CSMD1: variants seen among roughly 807,000 people sequenced by gnomAD.
The protein encoded by CSMD1 is CUB and Sushi multiple domains 1, also known as CUB and sushi domain-containing protein 1.
In CSMD1, 213 loss-of-function variants were observed where a neutral mutation model predicts 417.5. The ratio of observed to expected loss-of-function variants is 0.51; its 90% CI spans 0.46 to 0.57. The LOEUF (loss-of-function observed/expected upper bound fraction) is 0.57. Ranked by LOEUF, CSMD1 falls within the 20% of genes least tolerant of loss-of-function variation. The pLI is 0.00. For missense variants in CSMD1, 6,923 were observed against 4,529.7 expected (o/e 1.53, Z -15.17); for synonymous variants, 2,862 against 1,736.8 (o/e 1.65, Z -16.11).
intron 2 of CSMD1, among the ~76,000 whole-genome samples, chr8:4,447,942 A>G (rs543763115): frequency 2.6e-5 from 4 of 152,272 alleles, no homozygotes; most frequent in African/African-American, 7.2e-5. Flanking sequence ...CACTCACCAT[A>G]TTTTTTAAAA....
chr8:4,495,297 T>C (rs1489517529), intron 2 of CSMD1, among the ~76,000 whole-genome samples: 1 of 152,156 alleles, frequency 6.6e-6, no homozygotes, highest in African/African-American at 2.4e-5. Flanking sequence ...ATTTCTCAGC[T>C]GGGCACGGTG....
chr8:3,526,491 G>A (rs1243974720), intron 10 of CSMD1, among the ~76,000 whole-genome samples: 2 of 152,092 alleles, frequency 1.3e-5, no homozygotes, highest in African/African-American at 4.8e-5. Flanking sequence ...TTTGCTCTCT[G>A]GACCAAGCAT....
Position 3,627,306 on chromosome 8 carries a change from G to A in CSMD1, c.1010-10509C>T, listed in dbSNP as rs565626982. On this transcript the variant is annotated intron_variant, in intron 7 of 69. Transcript: ENST00000635120. ...CCTAGCTGCAAGACACTTGGGAGAA[G>A]TAAAATTTAACACGTGATGCTATAA... Among the ~76,000 whole-genome samples, 6 of 152,212 alleles carry A rather than the reference G, an allele frequency of 3.9e-5. No homozygotes were observed. In the East Asian group the frequency reaches 9.7e-4, roughly 25 times the overall value.
Position 4,627,350 on chromosome 8 carries a change from T to G in CSMD1, c.302+9992A>C, listed in dbSNP as rs533221604. ...AGCTCATTTAAAATCCTGAAAAATC[T>G]GGGAAACTATTTATAGCTCTTTATT... is the stretch of plus-strand genomic sequence containing the variant. On this transcript the variant is annotated intron_variant, in intron 2 of 69. Transcript: ENST00000635120. Among the ~76,000 whole-genome samples, 663 of 152,268 alleles carry G rather than the reference T, an allele frequency of 4.4e-3. 3 individuals carry two copies. Among genetic ancestry groups the G allele is most frequent in the African/African-American group, 0.015 (638 of 41,556 alleles).
intron 10 of CSMD1, among the ~76,000 whole-genome samples, chr8:3,507,888 T>C (rs557317230): frequency 6.6e-6 from 1 of 152,290 alleles, no homozygotes; most frequent in Non-Finnish European, 1.5e-5. Context: ...TTTGAGTTCA[T>C]TGTAGATTCT....
intron 52 of CSMD1, among the ~76,000 whole-genome samples, chr8:3,013,530 C>T (rs1808581229): frequency 2.0e-5 from 3 of 152,170 alleles, no homozygotes; most frequent in South Asian, 4.1e-4. Context: ...GCGGGCAGAT[C>T]ACCCAAGGTC....
intron 3 of CSMD1, among the ~76,000 whole-genome samples, chr8:4,120,783 T>C (rs941415087): frequency 6.6e-6 from 1 of 152,304 alleles, no homozygotes; most frequent in South Asian, 2.1e-4. Context: ...CATGTCACTT[T>C]CCAAACAAAA....
intron 1 of CSMD1, among the ~76,000 whole-genome samples, chr8:4,779,217 T>C (rs999029787): frequency 1.3e-5 from 2 of 152,228 alleles, no homozygotes; most frequent in African/African-American, 4.8e-5. Flanking sequence ...ATTAATATTG[T>C]TATGTTAACG....
intron 5 of CSMD1, among the ~76,000 whole-genome samples, chr8:3,973,625 T>C (rs947697536): frequency 6.6e-6 from 1 of 152,176 alleles, no homozygotes; most frequent in Non-Finnish European, 1.5e-5. Flanking sequence ...ATTGTGATGC[T>C]TCCTGATTGT....
chr8:3,716,736 G>C (rs754380422), intron 6 of CSMD1, among the ~76,000 whole-genome samples: 17 of 152,148 alleles, frequency 1.1e-4, no homozygotes, highest in Non-Finnish European at 2.4e-4. Context: ...CCCTATTCAA[G>C]ATGGAGTTGC....
chr8:3,286,824 T>A (rs1365520451), intron 25 of CSMD1, among the ~76,000 whole-genome samples: 4 of 152,184 alleles, frequency 2.6e-5, no homozygotes, highest in Admixed American at 1.3e-4. Context: ...GCTCTTTAGT[T>A]TATTTAGATC....
chr8:3,835,620 G>C (rs1014295420), intron 5 of CSMD1, among the ~76,000 whole-genome samples: 3 of 151,534 alleles, frequency 2.0e-5, no homozygotes, highest in Admixed American at 6.6e-5. Context: ...TAAATGACGA[G>C]TTAATGGGTG....
At chr8:4,025,767 T>G (rs1797032366) in intron 4 of CSMD1, among the ~76,000 whole-genome samples, 1 of 152,190 alleles carries the variant, frequency 6.6e-6, no homozygotes, top group Non-Finnish European at 1.5e-5. Flanking sequence ...GTTTGTTCCC[T>G]GTTTAAGGGA....
At chr8:3,787,587 G>C (rs945718311) in intron 5 of CSMD1, among the ~76,000 whole-genome samples, 6 of 152,130 alleles carry the variant, frequency 3.9e-5, no homozygotes, top group Admixed American at 1.3e-4. Context: ...CTTAATTAAA[G>C]ATGTAGTTGC....
intron 42 of CSMD1, among the ~76,000 whole-genome samples, chr8:3,112,042 G>C (rs917485126): frequency 6.6e-6 from 1 of 151,498 alleles, no homozygotes; most frequent in Admixed American, 6.6e-5. Flanking sequence ...TGCTTGCTCC[G>C]GCTCTAGAGG....
chr8:3,953,410 G>C (rs763344150), intron 5 of CSMD1, among the ~76,000 whole-genome samples: 2 of 152,136 alleles, frequency 1.3e-5, no homozygotes, highest in African/African-American at 2.4e-5. Context: ...TGTGTAATGA[G>C]TATATAGAAT....
chr8:3,348,051 C>T lies in CSMD1; in HGVS notation c.3415G>A (p.Gly1139Ser), dbSNP rs372041329. 2.8e-5 allele frequency: 45 copies of T among 1,610,960 alleles called. No homozygotes were observed. Among genetic ancestry groups the T allele is most frequent in the East Asian group, 2.2e-5 (1 of 44,770 alleles). Reference protein sequence around the residue: ...ECIYKIETEAGKGIHLRTRSF... With the variant: ...ECIYKIETEASKGIHLRTRSF... Reference sequence around the variant, plus strand: ...CGTGTTCTAAGGTGGATGCCCTTGCCGGCTTCTGTTTCTATTTTATAGATA... The same window carrying T: ...CGTGTTCTAAGGTGGATGCCCTTGCTGGCTTCTGTTTCTATTTTATAGATA... The change falls in exon 22 of 70, where the codon GGC becomes AGC. Residue 1139 changes from glycine (G) to serine (S), a missense_variant. Transcript: ENST00000635120.
chr8:4,460,177 T>C (rs4875347), intron 2 of CSMD1, among the ~76,000 whole-genome samples: 28,261 of 152,026 alleles, frequency 0.19, 3,130 homozygotes, highest in Non-Finnish European at 0.24. Flanking sequence ...CTGAGCTCAA[T>C]GCAAGAAAAT....
chr8:4,472,717 C>G (rs1265520850), intron 2 of CSMD1, among the ~76,000 whole-genome samples: 1 of 151,874 alleles, frequency 6.6e-6, no homozygotes, highest in Non-Finnish European at 1.5e-5. Flanking sequence ...TAGGTGTAAA[C>G]AGCACTTTTA....
Sources: gnomAD v4.1 joint callset for allele counts (sites outside exome capture counted in the v4.1 genomes callset) on GRCh38, gnomAD v4.1.1 for gene constraint, MANE v1.5 for transcripts, NCBI Gene and HGNC (gene_info 2026-07-23, HGNC 2026-07-21) for gene names.